The following MASP1 variants were observed in gnomAD, a reference collection of about 807,000 sequenced individuals.
The protein encoded by MASP1 is mannan-binding lectin serine protease 1.
Under a neutral mutation model 77.1 loss-of-function variants are expected in MASP1, and 59 were observed. That is an observed-to-expected ratio of 0.77 (90% CI 0.62 to 0.95). The LOEUF is 0.95. Among genes scored for constraint, MASP1 ranks in the 40% least tolerant of loss-of-function variants. The pLI is 0.00. For synonymous variants in MASP1, 362 were observed against 354.5 expected, an observed-to-expected ratio of 1.02 and a Z score of -0.24; for missense variants, 885 against 912.9, an observed-to-expected ratio of 0.97 and a Z score of 0.39.
exon 16 of MASP1, chr3:187,219,308 G>A (rs1277358825): frequency 1.3e-5 from 2 of 152,516 alleles, no homozygotes; most frequent in African/African-American, 4.8e-5. Flanking sequence ...GTCATACAGG[G>A]GGCTAAGGGC....
intron 4 of MASP1, 72 bp from the exon 5 acceptor site, chr3:187,256,932 A>G: frequency 7.3e-7 from 1 of 1,377,542 alleles, no homozygotes; most frequent in South Asian, 1.2e-5. Flanking sequence ...ATCTGTTACT[A>G]TATGATTTTC....
chr3:187,246,733 A>C, intron 8 of MASP1: 2 of 982,024 alleles, frequency 2.0e-6, no homozygotes, highest in Non-Finnish European at 2.4e-6. Context: ...TAAGCCCCAG[A>C]AGACAGAACC....
intron 3 of MASP1, 147 bp downstream of exon 3, chr3:187,262,396 C>G: frequency 1.3e-6 from 1 of 784,338 alleles, no homozygotes; most frequent in Admixed American, 2.0e-5. Flanking sequence ...TGGATAGATA[C>G]GTGATAGAGC....
intron 9 of MASP1, 33 bp downstream of exon 9, chr3:187,243,451 C>A: frequency 6.2e-7 from 1 of 1,613,416 alleles, no homozygotes; most frequent in African/African-American, 1.3e-5. Context: ...GAGTGTGAAA[C>A]GGGAGTGGGA....
At chr3:187,282,569 G>A (rs143755561) in intron 2 of MASP1, among the ~76,000 whole-genome samples, 72 of 151,956 alleles carry the variant, frequency 4.7e-4, no homozygotes, top group Non-Finnish European at 9.1e-4. Context: ...AACTTAAGAT[G>A]AGATGCGTCC....
At chr3:187,275,456 C>G (rs1039382590) in intron 2 of MASP1, among the ~76,000 whole-genome samples, 1 of 152,138 alleles carries the variant, frequency 6.6e-6, no homozygotes, top group African/African-American at 2.4e-5. Flanking sequence ...CATAGCTCTG[C>G]CACTCATACC....
exon 12 of MASP1, chr3:187,226,481 T>C (rs770284375): frequency 6.2e-7 from 1 of 1,612,946 alleles, no homozygotes; most frequent in African/African-American, 1.3e-5. Context: ...ATCGAGTGAC[T>C]GGTGGAGGCA....
intron 8 of MASP1, among the ~76,000 whole-genome samples, chr3:187,248,886 T>C (rs1714327438): frequency 6.6e-6 from 1 of 152,248 alleles, no homozygotes; most frequent in Non-Finnish European, 1.5e-5. Flanking sequence ...TTCAAAGTTC[T>C]TCCTGGGATT....
At chr3:187,253,970 A>G (rs1455437023) in intron 5 of MASP1, among the ~76,000 whole-genome samples, 1 of 151,006 alleles carries the variant, frequency 6.6e-6, no homozygotes, top group Non-Finnish European at 1.5e-5. Flanking sequence ...ACAAACCTGC[A>G]TGTTCTGCAC....
chr3:187,239,376 G>A (rs557130667), intron 10 of MASP1, among the ~76,000 whole-genome samples: 2 of 152,102 alleles, frequency 1.3e-5, no homozygotes, highest in South Asian at 4.2e-4. Context: ...GAATATCATA[G>A]GTCTCTTGGT....
chr3:187,253,308 A>G lies in MASP1; in HGVS notation c.752T>C (p.Val251Ala). Residue 251 changes from valine to alanine, a missense_variant, in exon 6 of 11, where the codon GTT (valine) becomes GCT (alanine). Val to Ala is a moderately conservative substitution (Grantham distance 64, BLOSUM62 0). Coordinates refer to ENST00000296280, the MANE Select transcript of MASP1 (RefSeq NM_139125.4). ...GAAAGGCCCCAAAACTTTTGGACCA[A>G]CTTTGATCTGCAAAATATGAGAGAG... is the stretch of plus-strand genomic sequence containing the variant. Reference protein sequence around the residue: ...PCPYDYIKIKVGPKVLGPFCG... With the variant: ...PCPYDYIKIKAGPKVLGPFCG... The G allele has an allele frequency of 6.2e-7, 1 of 1,614,106 alleles. No homozygotes were observed. The highest frequency in any genetic ancestry group is 8.5e-7 in the Non-Finnish European group (1 of 1,179,996).
At chr3:187,246,471 G>A (rs1224989828) in intron 8 of MASP1, 1 of 985,236 alleles carries the variant, frequency 1.0e-6, no homozygotes, top group African/African-American at 1.7e-5. Context: ...ACTGCCCAGG[G>A]TTCTCCCCTC....
intron 8 of MASP1, among the ~76,000 whole-genome samples, chr3:187,245,657 C>G (rs1442964863): frequency 2.6e-5 from 4 of 152,184 alleles, no homozygotes. Context: ...TTGAGCAGCT[C>G]TGTCTGGCAC....
intron 1 of MASP1, among the ~76,000 whole-genome samples, chr3:187,289,354 T>C (rs7621819): frequency 0.17 from 25,591 of 152,056 alleles, 2,176 homozygotes; most frequent in African/African-American, 0.21. Flanking sequence ...GCATGGATCC[T>C]TTACAGAGCA....
intron 7 of MASP1, 88 bp from the exon 8 acceptor site, chr3:187,250,417 A>C: frequency 2.2e-6 from 2 of 927,832 alleles, no homozygotes; most frequent in Non-Finnish European, 3.6e-6. Context: ...CTCAAGCTCC[A>C]CACGTGTCTT....
At chr3:187,220,915 A>G in intron 15 of MASP1, 2 of 753,126 alleles carry the variant, frequency 2.7e-6, no homozygotes, top group South Asian at 2.9e-5. Context: ...GCCTTCCTCC[A>G]GTCCCCCGCG....
chr3:187,245,944 A>G (rs781562659), intron 8 of MASP1, among the ~76,000 whole-genome samples: 3 of 152,194 alleles, frequency 2.0e-5, no homozygotes, highest in Non-Finnish European at 4.4e-5. Context: ...ATGTGCAATC[A>G]GCTAACCCTG....
intron 11 of MASP1, among the ~76,000 whole-genome samples, chr3:187,228,185 G>T (rs1239446303): frequency 6.6e-6 from 1 of 151,844 alleles, no homozygotes; most frequent in Non-Finnish European, 1.5e-5. Context: ...TACTCGGGAG[G>T]CTGAGGCAGG....
chr3:187,255,322 C>A (rs147437106), intron 5 of MASP1, among the ~76,000 whole-genome samples: 2 of 152,210 alleles, frequency 1.3e-5, no homozygotes, highest in African/African-American at 2.4e-5. Context: ...TGGCTGACAG[C>A]CAGGAAGAAG....
Sources: allele counts gnomAD v4.1 joint callset (sites outside exome capture counted in the v4.1 genomes callset), GRCh38; gene constraint gnomAD v4.1.1; transcripts MANE v1.5; gene names NCBI Gene and HGNC (gene_info 2026-07-23, HGNC 2026-07-21).